The following SLC24A2 variants were observed in gnomAD, a reference collection of about 807,000 sequenced individuals.
The protein encoded by SLC24A2 is sodium/potassium/calcium exchanger 2.
Under a neutral mutation model 62.0 loss-of-function variants are expected in SLC24A2, and 36 were observed. The observed-to-expected ratio is 0.58, with a 90% CI of 0.44 to 0.77. The LOEUF is 0.77. SLC24A2 is among the 30% of genes least tolerant of loss of function. The pLI, the probability that SLC24A2 is intolerant of heterozygous loss-of-function variation, is 0.00. For synonymous variants in SLC24A2, 358 were observed against 294.0 expected, an observed-to-expected ratio of 1.22 and a Z score of -2.23; for missense variants, 846 against 817.9, an observed-to-expected ratio of 1.03 and a Z score of -0.42.
the SLC24A2 span, among the ~76,000 whole-genome samples, chr9:19,948,005 T>G: frequency 6.6e-6 from 1 of 152,202 alleles, no homozygotes; most frequent in South Asian, 2.1e-4. Context: ...TGGTTATCTT[T>G]TGCTTTTGTG....
At chr9:20,272,327 T>A in the SLC24A2 span, among the ~76,000 whole-genome samples, 1 of 152,186 alleles carries the variant, frequency 6.6e-6, no homozygotes, top group Non-Finnish European at 1.5e-5. Context: ...CCTACCATCA[T>A]CCAGAGAGAA....
chr9:19,935,968 G>C, the SLC24A2 span, among the ~76,000 whole-genome samples: 16 of 152,242 alleles, frequency 1.1e-4, no homozygotes, highest in African/African-American at 3.4e-4. Context: ...AAAATATTTA[G>C]GAAGGACAAA....
intron 4 of SLC24A2, among the ~76,000 whole-genome samples, chr9:19,606,626 G>A (rs985780348): frequency 6.6e-5 from 10 of 152,072 alleles, no homozygotes; most frequent in African/African-American, 2.2e-4. Flanking sequence ...AATATGTTTC[G>A]TAAATGAATA....
the SLC24A2 span, among the ~76,000 whole-genome samples, chr9:19,887,662 A>C: frequency 1.3e-5 from 2 of 152,142 alleles, no homozygotes; most frequent in African/African-American, 4.8e-5. Flanking sequence ...AAAGAACTAA[A>C]AGTGGAACTA....
the SLC24A2 span, among the ~76,000 whole-genome samples, chr9:19,851,862 G>T: frequency 6.6e-6 from 1 of 152,038 alleles, no homozygotes; most frequent in African/African-American, 2.4e-5. Context: ...GGAATTGCTG[G>T]GTCAAATGAT....
chr9:19,860,082 G>A, the SLC24A2 span, among the ~76,000 whole-genome samples: 1 of 152,120 alleles, frequency 6.6e-6, no homozygotes, highest in Non-Finnish European at 1.5e-5. Context: ...AATGGACTGG[G>A]GGAGCATGTG....
intron 2 of SLC24A2, among the ~76,000 whole-genome samples, chr9:19,684,309 T>TCTTTC (rs1413481072): frequency 1.4e-4 from 21 of 152,114 alleles, no homozygotes; most frequent in Non-Finnish European, 2.8e-4. Flanking sequence ...AAGGACATCC[T>TCTTTC]CTTTCCTCTT....
In SLC24A2 at chr9:19,738,326, T is replaced by C. The variant is rs369194651; in HGVS notation, c.930+47611A>G. Among the ~76,000 whole-genome samples the C allele has an allele frequency of 4.1e-4, 62 of 152,278 alleles. 3 individuals are homozygous for C. Among genetic ancestry groups the C allele is most frequent in the African/African-American group, 1.2e-3 (51 of 41,554 alleles). The stretch of plus-strand genomic sequence containing the variant: ...TTTCAAAACTGTAGGGCAAGAGATA[T>C]GGAGAAATGTTTTTCTGGAGTGGGG... On this transcript the variant is annotated intron_variant, in intron 2 of 10. Transcript: ENST00000341998.
chr9:20,045,804 A>T, the SLC24A2 span, among the ~76,000 whole-genome samples: 1 of 152,072 alleles, frequency 6.6e-6, no homozygotes, highest in Non-Finnish European at 1.5e-5. Context: ...TCTCACAATG[A>T]TCCTGTTTGG....
the SLC24A2 span, among the ~76,000 whole-genome samples, chr9:19,896,657 G>C: frequency 2.0e-5 from 3 of 152,188 alleles, no homozygotes; most frequent in African/African-American, 7.2e-5. Flanking sequence ...CTACATGGTA[G>C]AGTCAGGATT....
chr9:20,220,537 G>C, the SLC24A2 span, among the ~76,000 whole-genome samples: 1 of 152,096 alleles, frequency 6.6e-6, no homozygotes. Context: ...GTATTTGTCA[G>C]GATTTGTTAC....
chr9:19,705,804 G>A (rs981942302), intron 2 of SLC24A2: 1 of 153,058 alleles, frequency 6.5e-6, no homozygotes, highest in African/African-American at 2.4e-5. Flanking sequence ...GAGACAGTTT[G>A]TTATAATTTC....
chr9:20,183,407 A>G, the SLC24A2 span, among the ~76,000 whole-genome samples: 15 of 152,370 alleles, frequency 9.8e-5, no homozygotes, highest in African/African-American at 3.1e-4. Flanking sequence ...AAACACAGCC[A>G]TGTTCCTTTG....
chr9:20,190,183 A>G, the SLC24A2 span, among the ~76,000 whole-genome samples: 1 of 152,174 alleles, frequency 6.6e-6, no homozygotes, highest in Admixed American at 6.5e-5. Flanking sequence ...CTCTGCTGGT[A>G]TCTTTGTTTC....
At chr9:19,935,505 C>T in the SLC24A2 span, among the ~76,000 whole-genome samples, 7 of 152,166 alleles carry the variant, frequency 4.6e-5, no homozygotes, top group African/African-American at 1.4e-4. Context: ...CAAAACAAAG[C>T]TGCCACCTGA....
At chr9:19,591,286 G>A (rs1036593199) in intron 5 of SLC24A2, among the ~76,000 whole-genome samples, 1 of 152,110 alleles carries the variant, frequency 6.6e-6, no homozygotes, top group Non-Finnish European at 1.5e-5. Context: ...TTTAACATGA[G>A]TGCTCAAGCT....
chr9:19,893,604 T>C, the SLC24A2 span, among the ~76,000 whole-genome samples: 1 of 152,230 alleles, frequency 6.6e-6, no homozygotes, highest in Non-Finnish European at 1.5e-5. Context: ...TTCAGTCCTT[T>C]CAACAATTAT....
At chr9:20,053,722 A>T in the SLC24A2 span, among the ~76,000 whole-genome samples, 1 of 152,202 alleles carries the variant, frequency 6.6e-6, no homozygotes, top group African/African-American at 2.4e-5. Flanking sequence ...TTTATGAACC[A>T]GGAAGCAGGC....
At chr9:20,220,941 T>C in the SLC24A2 span, among the ~76,000 whole-genome samples, 3 of 152,266 alleles carry the variant, frequency 2.0e-5, no homozygotes, top group East Asian at 1.9e-4. Context: ...TTAAAACATA[T>C]GTATTCCTTT....
Sources: gnomAD v4.1 joint callset for allele counts (sites outside exome capture counted in the v4.1 genomes callset) on GRCh38, gnomAD v4.1.1 for gene constraint, MANE v1.5 for transcripts, NCBI Gene and HGNC (gene_info 2026-07-23, HGNC 2026-07-21) for gene names.